The following CAMTA1 variants were observed in gnomAD, a reference collection of about 807,000 sequenced individuals.
The protein encoded by CAMTA1 is calmodulin-binding transcription activator 1.
CAMTA1 carries 27 observed loss-of-function variants against 170.9 expected under a neutral mutation model. That is an observed-to-expected ratio of 0.16 (90% CI 0.12 to 0.22). The LOEUF (loss-of-function observed/expected upper bound fraction) is 0.22, where lower values mean the gene tolerates loss of function less well. Among genes scored for constraint, CAMTA1 ranks in the 10% least tolerant of loss-of-function variants. The pLI is 1.00. For synonymous variants in CAMTA1, 833 were observed against 891.5 expected (o/e 0.93, Z 1.17); for missense variants, 1,619 against 2,217.2 (o/e 0.73, Z 5.42).
At chr1:7,507,264 C>T (rs1238083660) in intron 6 of CAMTA1, among the ~76,000 whole-genome samples, 2 of 152,152 alleles carry the variant, frequency 1.3e-5, no homozygotes, top group African/African-American at 4.8e-5. Flanking sequence ...TGCACACTCG[C>T]ACACACCCTG....
At chr1:6,852,255 G>C (rs926136217) in intron 3 of CAMTA1, among the ~76,000 whole-genome samples, 3 of 152,018 alleles carry the variant, frequency 2.0e-5, no homozygotes, top group African/African-American at 7.2e-5. Flanking sequence ...AAAAGAAAAA[G>C]CCAAAACCCC....
intron 5 of CAMTA1, among the ~76,000 whole-genome samples, chr1:7,371,887 C>T (rs1355274290): frequency 6.6e-6 from 1 of 152,192 alleles, no homozygotes; most frequent in Admixed American, 6.5e-5. Flanking sequence ...GGGTGGCCCT[C>T]TGGGCATCTG....
intron 17 of CAMTA1, 26 bp from the exon 18 acceptor site, chr1:7,745,817 GTC>G (rs765881492): frequency 1.1e-5 from 17 of 1,612,964 alleles, no homozygotes; most frequent in Middle Eastern, 1.6e-4. Context: ...TCATTAATCT[GTC>G]TCTCCTTTTT....
intron 5 of CAMTA1, among the ~76,000 whole-genome samples, chr1:7,253,009 G>A (rs1370121501): frequency 1.3e-5 from 2 of 152,140 alleles, no homozygotes; most frequent in Non-Finnish European, 2.9e-5. Context: ...GAGCTGTTAG[G>A]TCCATGATTA....
At chr1:7,475,926 T>G (rs1339375846) in intron 6 of CAMTA1, among the ~76,000 whole-genome samples, 2 of 152,206 alleles carry the variant, frequency 1.3e-5, no homozygotes, top group East Asian at 3.9e-4. Context: ...TGCACACATG[T>G]GCAGTGAGCA....
At chr1:7,148,296 A>G (rs1335865119) in intron 4 of CAMTA1, among the ~76,000 whole-genome samples, 1 of 151,442 alleles carries the variant, frequency 6.6e-6, no homozygotes, top group Non-Finnish European at 1.5e-5. Flanking sequence ...ATGCATACAC[A>G]TACTACACAG....
intron 4 of CAMTA1, among the ~76,000 whole-genome samples, chr1:7,151,179 A>G (rs1573480740): frequency 6.6e-6 from 1 of 152,254 alleles, no homozygotes; most frequent in Non-Finnish European, 1.5e-5. Context: ...TCCCTTGGCC[A>G]GCGCTGGCGT....
At chr1:6,789,248 T>C (rs1284979323) in intron 1 of CAMTA1, among the ~76,000 whole-genome samples, 1 of 151,600 alleles carries the variant, frequency 6.6e-6, no homozygotes, top group Non-Finnish European at 1.5e-5. Flanking sequence ...TTATGCATCC[T>C]GCTCAGCTGT....
At chr1:7,068,641 G>A (rs1429847587) in intron 3 of CAMTA1, among the ~76,000 whole-genome samples, 1 of 151,486 alleles carries the variant, frequency 6.6e-6, no homozygotes, top group Non-Finnish European at 1.5e-5. Context: ...AAAGTAAAAG[G>A]CACTTTATTG....
intron 6 of CAMTA1, among the ~76,000 whole-genome samples, chr1:7,629,395 C>T (rs908376592): frequency 1.3e-5 from 2 of 151,986 alleles, no homozygotes; most frequent in Non-Finnish European, 2.9e-5. Flanking sequence ...ATCAGCCATC[C>T]GGGAACTAAT....
chr1:7,297,540 A>G (rs1482561547), intron 5 of CAMTA1, among the ~76,000 whole-genome samples: 1 of 152,220 alleles, frequency 6.6e-6, no homozygotes. Context: ...TATAACAGCT[A>G]TGGAGTTTTG....
At chr1:7,473,376 G>A (rs2093366273) in intron 6 of CAMTA1, among the ~76,000 whole-genome samples, 3 of 152,210 alleles carry the variant, frequency 2.0e-5, no homozygotes, top group Admixed American at 1.3e-4. Flanking sequence ...CCATGGCAGA[G>A]GGACCGGCAG....
rs376964209 is a variant in CAMTA1, at chr1:7,743,952, G to A, written c.4183-883G>A. 4.7e-4 allele frequency among the ~76,000 whole-genome samples: 61 copies of A among 128,756 alleles called. No individual in the cohort carries two copies. In the East Asian group the frequency reaches 5.6e-3, roughly 12 times the overall value. 84.5% of individuals were successfully genotyped at this position (128,756 alleles called of 152,430 possible). A position where few individuals can be genotyped will look rare whatever the true frequency, so the allele number is the denominator to read the frequency against. On this transcript the variant is annotated intron_variant, in intron 16 of 22. Coordinates refer to ENST00000303635, the MANE Select transcript of CAMTA1 (RefSeq NM_015215.4). ...TGCCATTCTCCTGCCTCAGCCTCCCGAGTAGCTGGCACTACAGGCGCCCGC... is the reference window on the plus strand; with the variant it reads ...TGCCATTCTCCTGCCTCAGCCTCCCAAGTAGCTGGCACTACAGGCGCCCGC...
At chr1:7,351,204 G>T (rs145877885) in intron 5 of CAMTA1, among the ~76,000 whole-genome samples, 35 of 152,350 alleles carry the variant, frequency 2.3e-4, no homozygotes, top group African/African-American at 8.4e-4. Flanking sequence ...ATGGCCTCAC[G>T]CTTTTCCCAG....
chr1:7,001,752 A>G (rs1397913883), intron 3 of CAMTA1, among the ~76,000 whole-genome samples: 2 of 152,216 alleles, frequency 1.3e-5, no homozygotes, highest in Admixed American at 1.3e-4. Context: ...TGCATCACCA[A>G]CGTGGCTTCT....
At chr1:7,269,865 G>C (rs1267081985) in intron 5 of CAMTA1, among the ~76,000 whole-genome samples, 1 of 152,114 alleles carries the variant, frequency 6.6e-6, no homozygotes, top group East Asian at 1.9e-4. Flanking sequence ...ACAGATCCTA[G>C]AAGCAGGAGA....
rs150684057 is a variant in CAMTA1, at chr1:7,544,873, G to A, written c.510+76972G>A. Among the ~76,000 whole-genome samples, 54 of 152,240 alleles carry A rather than the reference G, an allele frequency of 3.5e-4. No homozygotes were observed. The Middle Eastern group carries it at 0.014, about 38-fold the overall frequency. ...ACTCTTTAACAACTCGCTTTCTCCG[G>A]AGCTATTTCATTCCCTCAGGAGGAA... On this transcript the variant is annotated intron_variant, in intron 6 of 22. Coordinates refer to ENST00000303635, the MANE Select transcript of CAMTA1 (RefSeq NM_015215.4).
intron 9 of CAMTA1, among the ~76,000 whole-genome samples, chr1:7,667,359 G>A (rs1224706586): frequency 1.3e-5 from 2 of 152,110 alleles, no homozygotes; most frequent in African/African-American, 4.8e-5. Flanking sequence ...ATCAGGGTGC[G>A]GGGGGACGGT....
chr1:6,953,792 A>G (rs1688958897), intron 3 of CAMTA1, among the ~76,000 whole-genome samples: 1 of 151,418 alleles, frequency 6.6e-6, no homozygotes, highest in Non-Finnish European at 1.5e-5. Flanking sequence ...TCTGGTACGT[A>G]CAGCACATAA....
Sources: allele counts gnomAD v4.1 joint callset (sites outside exome capture counted in the v4.1 genomes callset), GRCh38; gene constraint gnomAD v4.1.1; transcripts MANE v1.5; gene names NCBI Gene and HGNC (gene_info 2026-07-23, HGNC 2026-07-21).